Variants in CDH4 observed in about 807,000 individuals in gnomAD.
CDH4 encodes cadherin 4.
Under a neutral mutation model 86.0 loss-of-function variants are expected in CDH4, and 33 were observed. That is an observed-to-expected ratio of 0.38 (90% CI 0.29 to 0.51). The LOEUF is 0.51. CDH4 is among the 20% of genes least tolerant of loss of function. CDH4 has a pLI of 0.86. For missense variants in CDH4, 1,114 were observed against 1,307.4 expected (o/e 0.85, Z 2.28); for synonymous variants, 555 against 549.4 (o/e 1.01, Z -0.14).
rs569165890 is a variant in CDH4 at position 61,685,540 on chromosome 20, G to A, written c.170-58023G>A. ...CTCTGGATTGCAAAGGCCGCTCCTCGGCCCCACCACCCCGCTGTTTGTGGC... is the reference window on the plus strand; with the variant it reads ...CTCTGGATTGCAAAGGCCGCTCCTCAGCCCCACCACCCCGCTGTTTGTGGC... On this transcript the variant is annotated intron_variant, in intron 2 of 15. Coordinates refer to ENST00000614565, the MANE Select transcript of CDH4 (RefSeq NM_001794.5). Among the ~76,000 whole-genome samples the A allele has an allele frequency of 6.6e-5, 10 of 152,310 alleles. No individual in the cohort carries two copies. In the East Asian group the frequency reaches 1.7e-3, roughly 26 times the overall value.
At chr20:61,643,292 G>C (rs1360160530) in intron 2 of CDH4, among the ~76,000 whole-genome samples, 1 of 152,192 alleles carries the variant, frequency 6.6e-6, no homozygotes, top group African/African-American at 2.4e-5. Flanking sequence ...CTATTAGTCT[G>C]TTAATCCACG....
chr20:61,679,008 G>A (rs990281674), intron 2 of CDH4, among the ~76,000 whole-genome samples: 1 of 152,174 alleles, frequency 6.6e-6, no homozygotes, highest in Non-Finnish European at 1.5e-5. Flanking sequence ...TTTTTGCCCT[G>A]TGGATTTCAC....
chr20:61,886,572 G>T (rs187332942), intron 7 of CDH4, among the ~76,000 whole-genome samples: 1 of 152,190 alleles, frequency 6.6e-6, no homozygotes, highest in Admixed American at 6.5e-5. Flanking sequence ...CCCGCTGCCC[G>T]CCCAGACACC....
Position 61,663,910 on chromosome 20 carries a change from C to T in CDH4, c.170-79653C>T, listed in dbSNP as rs1009145222. ...CACCGCTGGCGCCAGCATCTGTGCC[C>T]GCGGCAGTTTAGAGTGACACTGTCC... On this transcript the variant is annotated intron_variant, in intron 2 of 15. Coordinates refer to ENST00000614565, the MANE Select transcript of CDH4 (RefSeq NM_001794.5). The surrounding 1 kb of genome is among the most constrained non-coding windows in gnomAD (Gnocchi z 5.0). Among the ~76,000 whole-genome samples the T allele has an allele frequency of 5.9e-5, 9 of 152,214 alleles. No homozygotes were observed. The highest frequency in any genetic ancestry group is 2.2e-4 in the African/African-American group (9 of 41,470).
At chr20:61,813,020 G>A (rs1170146636) in intron 4 of CDH4, among the ~76,000 whole-genome samples, 1 of 152,262 alleles carries the variant, frequency 6.6e-6, no homozygotes, top group African/African-American at 2.4e-5. Flanking sequence ...GCAGGGCTGG[G>A]AGTCTCCACG....
intron 2 of CDH4, among the ~76,000 whole-genome samples, chr20:61,385,901 T>G (rs1422797596): frequency 6.6e-6 from 1 of 152,216 alleles, no homozygotes. Flanking sequence ...CTATGTAGAT[T>G]GCAGCTGCGG....
At chr20:61,546,034 C>CGTAT (rs2086079900) in intron 2 of CDH4, among the ~76,000 whole-genome samples, 1 of 1,334 alleles carries the variant, frequency 7.5e-4, no homozygotes, top group Non-Finnish European at 1.4e-3. Context: ...GGTGTGTGTT[C>CGTAT]GTGTGTGTGT....
intron 4 of CDH4, among the ~76,000 whole-genome samples, chr20:61,778,073 ACCTCCCTC>A (rs1356013353): frequency 6.6e-6 from 1 of 152,008 alleles, no homozygotes; most frequent in Non-Finnish European, 1.5e-5. Context: ...CATGTTTGCC[ACCTCCCTC>A]CCTCCACCCT....
At chr20:61,752,362 C>A (rs902792674) in intron 3 of CDH4, among the ~76,000 whole-genome samples, 1 of 146,868 alleles carries the variant, frequency 6.8e-6, no homozygotes, top group African/African-American at 2.5e-5. Context: ...AACTTCTGAT[C>A]ATCAAAACAT....
intron 2 of CDH4, among the ~76,000 whole-genome samples, chr20:61,408,010 A>G (rs1026294901): frequency 1.4e-4 from 22 of 152,144 alleles, no homozygotes; most frequent in Admixed American, 1.3e-4. Flanking sequence ...CCTGTCTAAA[A>G]TGCAGCAGCA....
At chr20:61,630,019 T>C (rs2427200) in intron 2 of CDH4, among the ~76,000 whole-genome samples, 92,292 of 151,514 alleles carry the variant, frequency 0.61, 28,396 homozygotes, top group East Asian at 0.71. Context: ...CGAGGCGGTG[T>C]GAGGCCTCTC....
intron 6 of CDH4, among the ~76,000 whole-genome samples, chr20:61,857,927 G>C (rs1983096947): frequency 6.6e-6 from 1 of 151,968 alleles, no homozygotes; most frequent in Admixed American, 6.6e-5. Context: ...GTGTGTCAGT[G>C]TGTGTCTGTC....
chr20:61,335,582 A>G (rs1228689961), intron 2 of CDH4, among the ~76,000 whole-genome samples: 2 of 152,206 alleles, frequency 1.3e-5, no homozygotes, highest in Non-Finnish European at 2.9e-5. Flanking sequence ...CTGAATCTCC[A>G]TGACTCATTC....
chr20:61,397,122 C>T (rs1221135901), intron 2 of CDH4, among the ~76,000 whole-genome samples: 1 of 152,156 alleles, frequency 6.6e-6, no homozygotes, highest in Admixed American at 6.5e-5. Flanking sequence ...GTTGCCCAGA[C>T]TGGTCTCAAA....
intron 2 of CDH4, among the ~76,000 whole-genome samples, chr20:61,675,847 G>T (rs1230301972): frequency 6.6e-6 from 1 of 152,188 alleles, no homozygotes; most frequent in Admixed American, 6.5e-5. Flanking sequence ...TTTGGGCTCA[G>T]CCAAGCACTC....
chr20:61,558,612 T>C lies in CDH4; in HGVS notation c.170-184951T>C, dbSNP rs548187969. ...AGGAAATGCGTATCAGGCAAAAGAA[T>C]GAAGGTCGTGGTAGTGATCATGTTT... On this transcript the variant is annotated intron_variant, in intron 2 of 15. Coordinates refer to ENST00000614565, the MANE Select transcript of CDH4 (RefSeq NM_001794.5). Among the ~76,000 whole-genome samples the C allele has an allele frequency of 2.0e-5, 3 of 152,308 alleles. No homozygotes were observed. The East Asian group carries it at 5.8e-4, about 29-fold the overall frequency.
At chr20:61,418,823 G>A (rs2085161379) in intron 2 of CDH4, among the ~76,000 whole-genome samples, 1 of 152,132 alleles carries the variant, frequency 6.6e-6, no homozygotes, top group African/African-American at 2.4e-5. Context: ...AGTGAGCTGT[G>A]ATTATATGGC....
chr20:61,565,156 TCCTCTTGGTGATGG>T, intron 2 of CDH4, among the ~76,000 whole-genome samples: 1 of 130,996 alleles, frequency 7.6e-6, no homozygotes, highest in Non-Finnish European at 1.6e-5. Flanking sequence ...TTGGTAGTGG[TCCTCTTGGTGATGG>T]GGTGGTGGTG....
rs1296870599 is a variant in CDH4 at position 61,818,856 on chromosome 20, C to T, written c.577-25812C>T. Among the ~76,000 whole-genome samples the T allele has an allele frequency of 3.9e-5, 6 of 152,006 alleles. No individual in the cohort carries two copies. In the East Asian group the frequency reaches 5.8e-4, roughly 15 times the overall value. The stretch of plus-strand genomic sequence containing the variant: ...TCCACACCCCCTGCGCCACCCCACC[C>T]GGCAGTCCAAGCAGAAGGTGACGCA... On this transcript the variant is annotated intron_variant, in intron 4 of 15. Coordinates refer to ENST00000614565, the MANE Select transcript of CDH4 (RefSeq NM_001794.5).
Sources: allele counts gnomAD v4.1 joint callset (sites outside exome capture counted in the v4.1 genomes callset), GRCh38; gene constraint gnomAD v4.1.1; non-coding constraint Gnocchi (gnomAD v3.1); transcripts MANE v1.5; gene names NCBI Gene and HGNC (gene_info 2026-07-23, HGNC 2026-07-21).